Variants in CASD1 observed in about 807,000 individuals in gnomAD.
CASD1 encodes the protein N-acetylneuraminate (7)9-O-acetyltransferase.
In CASD1, 41 loss-of-function variants were observed where a neutral mutation model predicts 100.0. That is an observed-to-expected ratio of 0.41 (90% CI 0.32 to 0.53). The LOEUF (loss-of-function observed/expected upper bound fraction) is 0.53, where lower values mean the gene tolerates loss of function less well. CASD1 is among the 20% of genes least tolerant of loss of function. The pLI, the probability that CASD1 is intolerant of heterozygous loss-of-function variation, is 0.25. For synonymous variants in CASD1, 321 were observed against 315.6 expected (o/e 1.02, Z -0.18); for missense variants, 774 against 948.7 (o/e 0.82, Z 2.42).
chr7:94,606,526 T>C, the CASD1 span, among the ~76,000 whole-genome samples: 16 of 152,216 alleles, frequency 1.1e-4, no homozygotes, highest in African/African-American at 3.6e-4. Context: ...TCCACTATTA[T>C]AGCTGGACAT....
chr7:94,603,399 A>G, the CASD1 span: 9 of 1,613,200 alleles, frequency 5.6e-6, no homozygotes, highest in African/African-American at 4.0e-5. Context: ...TGGATTTTCA[A>G]CTTCTCGTAA....
chr7:94,570,684 C>T, the CASD1 span, among the ~76,000 whole-genome samples: 9 of 152,028 alleles, frequency 5.9e-5, no homozygotes, highest in East Asian at 1.2e-3. Context: ...TAGTGGAGAC[C>T]GGGTTTCACC....
At chr7:94,628,455 CT>C in the CASD1 span, 1 of 1,088,274 alleles carries the variant, frequency 9.2e-7, no homozygotes. Context: ...AAATTTTTTT[CT>C]TACATTTGTA....
At chr7:94,585,346 A>C in the CASD1 span, 1 of 600,320 alleles carries the variant, frequency 1.7e-6, no homozygotes, top group Non-Finnish European at 2.9e-6. Context: ...AGTAAAATGA[A>C]AGTTATGTTG....
chr7:94,523,904 A>G (rs1794414910), intron 3 of CASD1, among the ~76,000 whole-genome samples: 1 of 152,178 alleles, frequency 6.6e-6, no homozygotes, highest in African/African-American at 2.4e-5. Flanking sequence ...ATATAAAATG[A>G]CTTTAAAAGT....
the CASD1 span, among the ~76,000 whole-genome samples, chr7:94,582,157 G>A: frequency 2.0e-5 from 3 of 151,920 alleles, no homozygotes; most frequent in Non-Finnish European, 2.9e-5. Context: ...TCACTCTGTC[G>A]CCCAGACTGA....
At chr7:94,595,047 C>T in the CASD1 span, among the ~76,000 whole-genome samples, 1 of 152,104 alleles carries the variant, frequency 6.6e-6, no homozygotes, top group Admixed American at 6.5e-5. Context: ...GCCTAGATAT[C>T]AGGATAGGTA....
At chr7:94,606,972 G>A in the CASD1 span, among the ~76,000 whole-genome samples, 1 of 151,980 alleles carries the variant, frequency 6.6e-6, no homozygotes, top group Admixed American at 6.6e-5. Context: ...GCAATACTTA[G>A]AAGGAAATTC....
At chr7:94,516,398 G>C (rs1793979241) in intron 1 of CASD1, among the ~76,000 whole-genome samples, 1 of 152,190 alleles carries the variant, frequency 6.6e-6, no homozygotes, top group Admixed American at 6.5e-5. Context: ...ATTGAGAAAA[G>C]AGATGTGTTC....
chr7:94,517,285 C>G (rs904197737), intron 1 of CASD1, among the ~76,000 whole-genome samples: 1 of 151,962 alleles, frequency 6.6e-6, no homozygotes, highest in Non-Finnish European at 1.5e-5. Context: ...ATAATGTCCC[C>G]GGAAAGAAAA....
intron 5 of CASD1, among the ~76,000 whole-genome samples, chr7:94,529,028 G>A (rs1275563943): frequency 1.3e-5 from 2 of 151,984 alleles, no homozygotes; most frequent in African/African-American, 4.8e-5. Context: ...GGATCCTGTG[G>A]GAACCTAGCC....
downstream of CASD1, among the ~76,000 whole-genome samples, chr7:94,558,139 C>G (rs1796268217): frequency 6.6e-6 from 1 of 152,148 alleles, no homozygotes; most frequent in South Asian, 2.1e-4. Context: ...GCCAAAACTT[C>G]CCATTTTTGT....
chr7:94,618,622 A>G, the CASD1 span: 1 of 691,394 alleles, frequency 1.4e-6, no homozygotes. Context: ...AATTACTAGT[A>G]TGTTCATATC....
chr7:94,578,490 G>A, the CASD1 span, among the ~76,000 whole-genome samples: 1 of 152,036 alleles, frequency 6.6e-6, no homozygotes, highest in Non-Finnish European at 1.5e-5. Flanking sequence ...CATTCTGTTG[G>A]TCCTCCACTT....
Position 94,527,215 on chromosome 7 carries a change from A to G in CASD1, c.396+9A>G, listed in dbSNP as rs753611385. ...CTGCATCAGTTAAAGTGGTAAGTTC[A>G]TGTAATAGTAAGCTAGATGTTACAA... On this transcript the variant is annotated intron_variant, in intron 4 of 17. Transcript: ENST00000297273. 2.5e-6 allele frequency: 4 copies of G among 1,589,608 alleles called. No homozygotes were observed. In the Admixed American group the frequency reaches 5.0e-5, roughly 20 times the overall value.
the CASD1 span, chr7:94,600,593 T>A: frequency 7.5e-7 from 1 of 1,329,152 alleles, no homozygotes; most frequent in South Asian, 1.2e-5. Flanking sequence ...GAATCTTCTA[T>A]GTTGTTATCT....
the CASD1 span, among the ~76,000 whole-genome samples, chr7:94,572,286 T>C: frequency 5.1e-4 from 78 of 152,308 alleles, no homozygotes; most frequent in Non-Finnish European, 1.0e-3. Context: ...TCCAGCTTTC[T>C]TTTGGTCAAC....
At chr7:94,519,530 G>A (rs1794148342) in intron 3 of CASD1, among the ~76,000 whole-genome samples, 1 of 152,056 alleles carries the variant, frequency 6.6e-6, no homozygotes, top group South Asian at 2.1e-4. Context: ...AAATGATACA[G>A]TCAACTTTTC....
At chr7:94,525,752 G>A (rs1322000844) in intron 3 of CASD1, among the ~76,000 whole-genome samples, 4 of 152,206 alleles carry the variant, frequency 2.6e-5, no homozygotes, top group East Asian at 3.9e-4. Context: ...TAATAGTCTC[G>A]AGACTCCTTT....
Sources: allele counts gnomAD v4.1 joint callset (sites outside exome capture counted in the v4.1 genomes callset), GRCh38; gene constraint gnomAD v4.1.1; transcripts MANE v1.5; gene names NCBI Gene and HGNC (gene_info 2026-07-23, HGNC 2026-07-21).